TENM3: variants seen among roughly 807,000 people sequenced by gnomAD.
TENM3 encodes teneurin-3.
In TENM3, 63 loss-of-function variants were observed where a neutral mutation model predicts 255.1. That is an observed-to-expected ratio of 0.25 (90% CI 0.20 to 0.30). TENM3 has a LOEUF of 0.30. Among genes scored for constraint, TENM3 ranks in the 10% least tolerant of loss-of-function variants. TENM3 has a pLI of 1.00. For missense variants in TENM3, 2,929 were observed against 3,461.1 expected, an observed-to-expected ratio of 0.85 and a Z score of 3.86; for synonymous variants, 1,306 against 1,322.3, an observed-to-expected ratio of 0.99 and a Z score of 0.27.
At chr4:182,279,993 C>A (rs1760266127) in intron 1 of TENM3, among the ~76,000 whole-genome samples, 1 of 152,208 alleles carries the variant, frequency 6.6e-6, no homozygotes, top group Non-Finnish European at 1.5e-5. Context: ...CCACCAGTGA[C>A]CTGAGCACCT....
chr4:181,843,605 A>G, the TENM3 span, among the ~76,000 whole-genome samples: 1 of 152,022 alleles, frequency 6.6e-6, no homozygotes, highest in Non-Finnish European at 1.5e-5. Context: ...TTCTGCTGCT[A>G]TCATAGAACA....
the TENM3 span, among the ~76,000 whole-genome samples, chr4:181,979,426 A>G: frequency 2.0e-5 from 3 of 151,882 alleles, no homozygotes; most frequent in African/African-American, 7.3e-5. Context: ...ATTAATTCTT[A>G]TTGGCTTTCT....
chr4:181,861,602 C>T, the TENM3 span, among the ~76,000 whole-genome samples: 1 of 152,036 alleles, frequency 6.6e-6, no homozygotes, highest in African/African-American at 2.4e-5. Context: ...TATCTTCCAA[C>T]ATCCCTAATA....
At chr4:181,933,416 T>TTTTAAAATAG in the TENM3 span, among the ~76,000 whole-genome samples, 11 of 152,140 alleles carry the variant, frequency 7.2e-5, no homozygotes, top group African/African-American at 2.7e-4. Flanking sequence ...ACTAGGTCCA[T>TTTTAAAATAG]TACACCAATT....
the TENM3 span, among the ~76,000 whole-genome samples, chr4:181,987,292 G>C: frequency 6.6e-6 from 1 of 152,068 alleles, no homozygotes; most frequent in Non-Finnish European, 1.5e-5. Context: ...CAGGAAATAT[G>C]AACAAAGCTT....
At chr4:182,450,083 C>T (rs1035801240) in intron 3 of TENM3, among the ~76,000 whole-genome samples, 3 of 152,120 alleles carry the variant, frequency 2.0e-5, no homozygotes, top group Admixed American at 2.0e-4. Flanking sequence ...AAATTCAGTG[C>T]CTTAAGATGG....
At chr4:182,527,031 T>C (rs962079391) in intron 3 of TENM3, among the ~76,000 whole-genome samples, 1 of 152,192 alleles carries the variant, frequency 6.6e-6, no homozygotes, top group African/African-American at 2.4e-5. Context: ...ATAATACATC[T>C]GACAAATGAA....
chr4:181,909,775 C>T, the TENM3 span, among the ~76,000 whole-genome samples: 23,678 of 152,146 alleles, frequency 0.16, 1,968 homozygotes, highest in Middle Eastern at 0.18. Context: ...TAAATACTCT[C>T]CCCAATACAG....
Position 182,774,955 on chromosome 4 carries a change from C to T in TENM3, c.5106C>T (p.Gly1702=), listed in dbSNP as rs74834794. 1,493 of 1,613,768 alleles carry T rather than the reference C, an allele frequency of 9.3e-4. 14 individuals are homozygous for T. In the African/African-American group the frequency reaches 0.018, roughly 20 times the overall value. ...ACAGCTACCAGATTGGTTATGACGG[C>T]TCCCTCAGAATTATCTACGCCAGTG... is the stretch of plus-strand genomic sequence containing the variant. ...LRNSYQIGYD[G]SLRIIYASGL... The change falls in exon 24 of 28, where the codon GGC becomes GGT. Residue 1702 remains glycine (G), a synonymous_variant. Coordinates refer to ENST00000511685, the MANE Select transcript of TENM3 (RefSeq NM_001080477.4).
chr4:182,792,689 G>A lies in TENM3; in HGVS notation c.6017G>A (p.Arg2006His), dbSNP rs368882613. ...CCCCTGATTGACAGGCAGATTTTCC[G>A]CTTTAGTGAAGATGGGATGGTAAAT... ...IGPLIDRQIF[R>H]FSEDGMVNAR... is the part of the protein sequence containing the mutation. The change falls in exon 26 of 28, where the codon CGC becomes CAC. Residue 2006 changes from arginine (R) to histidine (H), a missense_variant. Arg to His is a conservative substitution (Grantham distance 29, BLOSUM62 0). Coordinates refer to ENST00000511685, the MANE Select transcript of TENM3 (RefSeq NM_001080477.4). The surrounding 1 kb of genome is among the most constrained non-coding windows in gnomAD (Gnocchi z 6.3). The A allele has an allele frequency of 6.9e-5, 111 of 1,613,794 alleles. No individual in the cohort carries two copies. The highest frequency in any genetic ancestry group is 9.3e-5 in the African/African-American group (7 of 74,900).
chr4:181,755,279 C>T, the TENM3 span, among the ~76,000 whole-genome samples: 2 of 152,040 alleles, frequency 1.3e-5, no homozygotes, highest in Admixed American at 6.6e-5. Flanking sequence ...TCATTATTGT[C>T]GATTTTTCTT....
the TENM3 span, among the ~76,000 whole-genome samples, chr4:181,676,378 C>T: frequency 6.6e-6 from 1 of 152,030 alleles, no homozygotes; most frequent in South Asian, 2.1e-4. Flanking sequence ...TTTTCTTTTT[C>T]ATCTTTCATT....
intron 13 of TENM3, among the ~76,000 whole-genome samples, chr4:182,722,849 G>A (rs1207531720): frequency 6.6e-6 from 1 of 152,134 alleles, no homozygotes; most frequent in African/African-American, 2.4e-5. Flanking sequence ...GAAAGAAATA[G>A]ACTAATTCAA....
At chr4:182,733,507 AAGTCTTTGGAGGT>A (rs1451928733) in intron 16 of TENM3, among the ~76,000 whole-genome samples, 1 of 152,234 alleles carries the variant, frequency 6.6e-6, no homozygotes, top group African/African-American at 2.4e-5. Context: ...GCTTGGACAA[AAGTCTTTGGAGGT>A]AGAAGCAGAC....
chr4:182,486,115 A>C (rs1181868189), intron 3 of TENM3, among the ~76,000 whole-genome samples: 1 of 152,120 alleles, frequency 6.6e-6, no homozygotes, highest in Non-Finnish European at 1.5e-5. Context: ...ATCAGAGTGC[A>C]GGTGTGGAAG....
chr4:182,065,796 G>A, the TENM3 span, among the ~76,000 whole-genome samples: 1 of 152,200 alleles, frequency 6.6e-6, no homozygotes, highest in African/African-American at 2.4e-5. Flanking sequence ...GCTGACAGGA[G>A]GACCAAGCGG....
At chr4:181,510,302 C>T in the TENM3 span, among the ~76,000 whole-genome samples, 16 of 151,958 alleles carry the variant, frequency 1.1e-4, no homozygotes, top group Non-Finnish European at 2.2e-4. Flanking sequence ...ACTGACCATT[C>T]GAACAAGTAG....
At chr4:182,512,190 C>T (rs926733282) in intron 3 of TENM3, among the ~76,000 whole-genome samples, 3 of 152,150 alleles carry the variant, frequency 2.0e-5, no homozygotes, top group Non-Finnish European at 2.9e-5. Flanking sequence ...CTCCCTTGCA[C>T]GTAGGTATGG....
At chr4:182,618,057 T>A (rs1481315395) in intron 4 of TENM3, among the ~76,000 whole-genome samples, 1 of 152,220 alleles carries the variant, frequency 6.6e-6, no homozygotes, top group Non-Finnish European at 1.5e-5. Flanking sequence ...AAAATGTTTT[T>A]AACACTATAT....
Sources: gnomAD v4.1 joint callset for allele counts (sites outside exome capture counted in the v4.1 genomes callset) on GRCh38, gnomAD v4.1.1 for gene constraint, Gnocchi (gnomAD v3.1) non-coding constraint, MANE v1.5 for transcripts, NCBI Gene and HGNC (gene_info 2026-07-23, HGNC 2026-07-21) for gene names.